The following RASGRF1 variants were observed in gnomAD, a reference collection of about 807,000 sequenced individuals.
RASGRF1 encodes the protein Ras protein specific guanine nucleotide releasing factor 1, also known as ras-specific guanine nucleotide-releasing factor 1.
In RASGRF1, 40 loss-of-function variants were observed where a neutral mutation model predicts 138.7. That is an observed-to-expected ratio of 0.29 (90% confidence interval 0.22 to 0.38). The LOEUF is 0.38. RASGRF1 is among the 10% of genes least tolerant of loss of function. RASGRF1 has a pLI of 1.00. For synonymous variants in RASGRF1, 614 were observed against 663.2 expected, an observed-to-expected ratio of 0.93 and a Z score of 1.14; for missense variants, 1,108 against 1,650.4, an observed-to-expected ratio of 0.67 and a Z score of 5.69.
intron 16 of RASGRF1, among the ~76,000 whole-genome samples, chr15:79,000,898 T>C (rs1310063186): frequency 1.3e-5 from 2 of 152,142 alleles, no homozygotes; most frequent in African/African-American, 4.8e-5. Context: ...AAAGCCTGGA[T>C]AGTGGGGAGT....
chr15:79,017,287 AG>A (rs1353843037), intron 12 of RASGRF1, among the ~76,000 whole-genome samples: 1 of 152,222 alleles, frequency 6.6e-6, no homozygotes, highest in Non-Finnish European at 1.5e-5. Flanking sequence ...GATCTTAGGT[AG>A]CTGCCCCGAC....
At chr15:78,976,770 C>A (rs1412845662) in intron 24 of RASGRF1, among the ~76,000 whole-genome samples, 2 of 152,254 alleles carry the variant, frequency 1.3e-5, no homozygotes, top group Non-Finnish European at 2.9e-5. Context: ...AGTCCTGAAC[C>A]TTCCATATTG....
At chr15:79,004,699 G>T in intron 14 of RASGRF1, 1 of 986,046 alleles carries the variant, frequency 1.0e-6, no homozygotes, top group African/African-American at 1.7e-5. Flanking sequence ...GGGATGGGAA[G>T]CTGAAAGTGG....
At chr15:78,987,253 G>T (rs780161710) in intron 22 of RASGRF1, among the ~76,000 whole-genome samples, 1 of 152,048 alleles carries the variant, frequency 6.6e-6, no homozygotes, top group Non-Finnish European at 1.5e-5. Flanking sequence ...CCATCTCTAT[G>T]GATGCAGAAA....
chr15:79,024,890 C>T (rs4778802), intron 10 of RASGRF1, among the ~76,000 whole-genome samples: 70,506 of 150,878 alleles, frequency 0.47, 18,111 homozygotes, highest in South Asian at 0.63. Flanking sequence ...TATATACACA[C>T]CACGCACACA....
rs111268642 is a variant in RASGRF1, at chr15:79,016,053, C to T, written c.1744-644G>A. ...AATTTTGCTTTGAATAGGAAGTACC[C>T]GCCCAAACAAAAATAAAAACTGCAT... On this transcript the variant is annotated intron_variant, in intron 12 of 26. Transcript: ENST00000558480. 5.0e-3 allele frequency among the ~76,000 whole-genome samples: 754 copies of T among 152,306 alleles called. 5 individuals carry two copies. The highest frequency in any genetic ancestry group is 0.016 in the African/African-American group (678 of 41,562).
chr15:79,037,693 A>G (rs1038657915), intron 5 of RASGRF1, among the ~76,000 whole-genome samples: 5 of 152,066 alleles, frequency 3.3e-5, no homozygotes, highest in Admixed American at 2.0e-4. Flanking sequence ...TCCTGACCTC[A>G]GGTAATCCAC....
chr15:79,007,768 G>C (rs758136833), intron 13 of RASGRF1, among the ~76,000 whole-genome samples: 2 of 151,772 alleles, frequency 1.3e-5, no homozygotes, highest in Non-Finnish European at 2.9e-5. Context: ...GCCCAGGCTG[G>C]TCTCGAATTC....
At chr15:78,978,992 G>C (rs2055951224) in intron 24 of RASGRF1, 1 of 1,291,774 alleles carries the variant, frequency 7.7e-7, no homozygotes, top group Non-Finnish European at 1.0e-6. Flanking sequence ...AGAATGGGGG[G>C]CCCCAGAGGC....
chr15:79,048,936 C>T (rs756742722), intron 4 of RASGRF1, among the ~76,000 whole-genome samples: 1 of 152,338 alleles, frequency 6.6e-6, no homozygotes, highest in South Asian at 2.1e-4. Flanking sequence ...CACAGGGTGG[C>T]CCATGGTATG....
At chr15:79,076,213 C>T (rs1265035912) in intron 1 of RASGRF1, among the ~76,000 whole-genome samples, 1 of 150,832 alleles carries the variant, frequency 6.6e-6, no homozygotes, top group Non-Finnish European at 1.5e-5. Flanking sequence ...ATCCAGGCTA[C>T]ACATTAGCGA....
At position 78,973,963 on chromosome 15, in the gene RASGRF1, G is replaced by A. The variant is rs2055822987; in HGVS notation, c.3495-543C>T. On this transcript the variant is annotated intron_variant, in intron 24 of 26. Transcript: ENST00000558480. The surrounding 1 kb of genome is among the most constrained non-coding windows in gnomAD (Gnocchi z 4.9). ...CTAAGCACTGGGCTTGGGTGCCAGG[G>A]CAGGAAACCCTTGCTCTCTGAGATC... Among the ~76,000 whole-genome samples the A allele has an allele frequency of 6.6e-6, 1 of 152,204 alleles. No individual in the cohort carries two copies. The highest frequency in any genetic ancestry group is 6.5e-5 in the Admixed American group (1 of 15,288).
At chr15:79,076,712 A>G (rs1300499151) in intron 1 of RASGRF1, among the ~76,000 whole-genome samples, 1 of 152,162 alleles carries the variant, frequency 6.6e-6, no homozygotes, top group Admixed American at 6.5e-5. Flanking sequence ...CCAGACGTGT[A>G]TTTTCTCCCT....
rs1255920458 is a variant in RASGRF1, at chr15:79,006,338, C to T, written c.1923G>A (p.Glu641=). ...GGTCCGTCAGCCTCTCCAGCAGCCG[C>T]TCCACACTGGCGTAGCGGATCTGCA... ...KVLQIRYASV[E]RLLERLTDLR... is the part of the protein sequence containing the mutation. The change falls in exon 14 of 27, where the codon GAG becomes GAA. Residue 641 remains glutamate, a synonymous_variant. Transcript: ENST00000558480. This position sits in a 1 kb window ranked among gnomAD's most constrained non-coding sequence, Gnocchi z 4.0. 1.2e-6 allele frequency: 2 copies of T among 1,614,128 alleles called. No individual in the cohort carries two copies. The highest frequency in any genetic ancestry group is 3.3e-5 in the Admixed American group (2 of 60,012).
rs578108340 is a variant in RASGRF1, at chr15:79,060,180, G to A, written c.384-1699C>T. 3.9e-5 allele frequency among the ~76,000 whole-genome samples: 6 copies of A among 152,276 alleles called. No individual in the cohort carries two copies. The South Asian group carries it at 6.2e-4, about 16-fold the overall frequency. ...CCTCAGCTCAGCCAGGATGGCTGATGATGATGTTGACTATTCTAAGGAAGG... is the reference window on the plus strand; with the variant it reads ...CCTCAGCTCAGCCAGGATGGCTGATAATGATGTTGACTATTCTAAGGAAGG... On this transcript the variant is annotated intron_variant, in intron 2 of 26. Coordinates refer to ENST00000558480, the MANE Select transcript of RASGRF1 (RefSeq NM_001145648.3).
At chr15:78,997,807 A>G in intron 19 of RASGRF1, 1 of 420,388 alleles carries the variant, frequency 2.4e-6, no homozygotes, top group Non-Finnish European at 4.3e-6. Context: ...GGCACAGGCT[A>G]GACAGGGGTT....
chr15:79,068,293 G>A (rs1354482169), intron 1 of RASGRF1, among the ~76,000 whole-genome samples: 1 of 151,924 alleles, frequency 6.6e-6, no homozygotes, highest in Non-Finnish European at 1.5e-5. Flanking sequence ...AGTTAATAGG[G>A]GGCAAGTGGC....
rs1157193138 is a variant in RASGRF1, at chr15:79,090,625, C to G, written c.-127G>C. 2 of 1,319,104 alleles carry G rather than the reference C, an allele frequency of 1.5e-6. No individual in the cohort carries two copies. Among genetic ancestry groups the G allele is most frequent in the Admixed American group, 4.1e-5 (2 of 48,812 alleles). 81.7% of individuals were successfully genotyped at this position (1,319,104 alleles called of 1,614,324 possible). A position where few individuals can be genotyped will look rare whatever the true frequency, so the allele number is the denominator to read the frequency against. ...CTCGCTCCCTCTAGCTCTCCCCTCC[C>G]CCCAAATATCTACACTCCAGGATCT... is the stretch of plus-strand genomic sequence containing the variant. On this transcript the variant is annotated 5_prime_UTR_variant, in exon 1 of 27. Coordinates refer to ENST00000558480, the MANE Select transcript of RASGRF1 (RefSeq NM_001145648.3).
intron 1 of RASGRF1, among the ~76,000 whole-genome samples, chr15:79,081,192 T>C (rs1298806320): frequency 1.3e-5 from 2 of 152,146 alleles, no homozygotes; most frequent in Non-Finnish European, 2.9e-5. Flanking sequence ...CCAGAGGGCA[T>C]GGGGCAGAGG....
Sources: allele counts gnomAD v4.1 joint callset (sites outside exome capture counted in the v4.1 genomes callset), GRCh38; gene constraint gnomAD v4.1.1; non-coding constraint Gnocchi (gnomAD v3.1); transcripts MANE v1.5; gene names NCBI Gene and HGNC (gene_info 2026-07-23, HGNC 2026-07-21).